CSRNP2: variants seen among roughly 807,000 people sequenced by gnomAD.
CSRNP2 encodes the protein cysteine and serine rich nuclear protein 2.
Under a neutral mutation model 36.6 loss-of-function variants are expected in CSRNP2, and 11 were observed. The observed-to-expected ratio is 0.30, with a 90% confidence interval of 0.19 to 0.50. CSRNP2 has a LOEUF of 0.50. CSRNP2 is among the 20% of genes least tolerant of loss of function. The pLI, the probability that CSRNP2 is intolerant of heterozygous loss-of-function variation, is 0.98. For synonymous variants in CSRNP2, 248 were observed against 275.3 expected (o/e 0.90, Z 0.98); for missense variants, 483 against 691.4 (o/e 0.70, Z 3.38).
intron 3 of CSRNP2, among the ~76,000 whole-genome samples, chr12:51,069,131 A>G (rs1169810453): frequency 1.3e-5 from 2 of 151,744 alleles, no homozygotes; most frequent in Non-Finnish European, 2.9e-5. Flanking sequence ...ACCTGCCACC[A>G]CGCCCGGCTA....
At position 51,064,529 on chromosome 12, in the gene CSRNP2, C is replaced by G; in HGVS notation, c.849G>C (p.Gln283His). 6.2e-7 allele frequency: 1 copy of G among 1,613,436 alleles called. No individual in the cohort carries two copies. Among genetic ancestry groups the G allele is most frequent in the African/African-American group, 1.3e-5 (1 of 75,036 alleles). The part of the protein sequence containing the change: ...IMKLELESKR[Q>H]VSRPAAPDEE... ...CATCTGGGGCTGCTGGGCGGCTCAC[C>G]TGCCGCTTGCTCTCCAGCTCCAGCT... The change falls in exon 5 of 5, where the codon CAG (glutamine) becomes CAC (histidine). Residue 283 changes from glutamine (Q) to histidine (H), a missense_variant. Coordinates refer to ENST00000228515, the MANE Select transcript of CSRNP2 (RefSeq NM_030809.3).
At position 51,073,958 on chromosome 12, in the gene CSRNP2, A is replaced by G; in HGVS notation, c.276T>C (p.Ser92=). ...AGTTATGGCGCTGGGCCATGCCCAG[A>G]GAGCTACCACCCTGGCTGGGCACAC... ...FTSVPSQGGS[S]LGMAQRHNSV... Residue 92 remains serine, a synonymous_variant, in exon 3 of 5, where the codon TCT becomes TCC. Transcript: ENST00000228515. 6.2e-7 allele frequency: 1 copy of G among 1,614,180 alleles called. No individual in the cohort carries two copies. Among genetic ancestry groups the G allele is most frequent in the Non-Finnish European group, 8.5e-7 (1 of 1,180,020 alleles).
chr12:51,064,268 C>G lies in CSRNP2; in HGVS notation c.1110G>C (p.Glu370Asp). ...TGGGGGCTGTAAGGCCTGGGCACAGCTCTTCGGGGACAGCCAGAGGCTCCT... is the reference window on the plus strand; with the variant it reads ...TGGGGGCTGTAAGGCCTGGGCACAGGTCTTCGGGGACAGCCAGAGGCTCCT... The part of the protein sequence containing the change: ...ILEEPLAVPE[E>D]LCPGLTAPIL... Residue 370 changes from glutamate to aspartate, a missense_variant, in exon 5 of 5, where the codon GAG (glutamate) becomes GAC (aspartate). Physicochemically the swap from Glu to Asp is conservative, Grantham distance 45. Transcript: ENST00000228515. 1 of 1,612,802 alleles carries G rather than the reference C, an allele frequency of 6.2e-7. No homozygotes were observed. The highest frequency in any genetic ancestry group is 8.5e-7 in the Non-Finnish European group (1 of 1,179,402).
At position 51,061,414 on chromosome 12, in the gene CSRNP2, C is replaced by A. The variant is rs1370077863; in HGVS notation, c.*2332G>T. The A allele has an allele frequency of 6.6e-6, 1 of 152,572 alleles. No homozygotes were observed. The highest frequency in any genetic ancestry group is 2.4e-5 in the African/African-American group (1 of 41,420). 9.5% of individuals were successfully genotyped at this position (152,572 alleles called of 1,614,324 possible). ...GGTAATAAGAGTCATTTATCTAGGC[C>A]TAGACTGGGACTGAAGCTATCTGCT... is the stretch of plus-strand genomic sequence containing the variant. On this transcript the variant is annotated 3_prime_UTR_variant, in exon 5 of 5. Coordinates refer to ENST00000228515, the MANE Select transcript of CSRNP2 (RefSeq NM_030809.3).
At position 51,061,794 on chromosome 12, in the gene CSRNP2, C is replaced by T. The variant is rs1488171594; in HGVS notation, c.*1952G>A. ...ACTTCCTAGATTAAGCCGGAGCCTT[C>T]CTGCAGAGACAGTGGGCAAACCTCA... On this transcript the variant is annotated 3_prime_UTR_variant, in exon 5 of 5. Transcript: ENST00000228515. 6.6e-6 allele frequency: 1 copy of T among 152,188 alleles called. No homozygotes were observed. Among genetic ancestry groups the T allele is most frequent in the African/African-American group, 2.4e-5 (1 of 41,436 alleles). The allele number at this position is 152,188 out of a possible 1,614,324, so 9.4% of individuals were successfully genotyped here.
intron 3 of CSRNP2, 45 bp from the exon 4 acceptor site, chr12:51,068,014 T>C (rs1246359244): frequency 5.1e-6 from 8 of 1,568,556 alleles, no homozygotes; most frequent in Non-Finnish European, 7.0e-6. Flanking sequence ...ATGAGCGGCA[T>C]GCACCTCCTC....
chr12:51,064,070 C>T lies in CSRNP2; in HGVS notation c.1308G>A (p.Thr436=), dbSNP rs373534394. 28 of 1,614,066 alleles carry T rather than the reference C, an allele frequency of 1.7e-5. No individual in the cohort carries two copies. The highest frequency in any genetic ancestry group is 2.2e-5 in the East Asian group (1 of 44,888). ...TTGGGAAAGAGGCTGAGCCTTCTTCCGTACCAGGCTCTCCTTTCACTCCCA... is the reference window on the plus strand; with the variant it reads ...TTGGGAAAGAGGCTGAGCCTTCTTCTGTACCAGGCTCTCCTTTCACTCCCA... ...PVLGVKGEPG[T]EEGSASFPKE... The change falls in exon 5 of 5, where the codon ACG becomes ACA. Residue 436 remains threonine (T), a synonymous_variant. Transcript: ENST00000228515.
At chr12:51,076,789 T>C (rs17125340) in intron 1 of CSRNP2, 142 bp from the exon 2 acceptor site, 7,191 of 510,844 alleles carry the variant, frequency 0.014, 176 homozygotes, top group Admixed American at 0.071. Context: ...CTACTAGCTC[T>C]GGCCAACATT....
At position 51,067,489 on chromosome 12, in the gene CSRNP2, G is replaced by A. The variant is rs113358696; in HGVS notation, c.708+184C>T. On this transcript the variant is annotated intron_variant, in intron 4 of 4. Coordinates refer to ENST00000228515, the MANE Select transcript of CSRNP2 (RefSeq NM_030809.3). This position sits in a 1 kb window ranked among gnomAD's most constrained non-coding sequence, Gnocchi z 4.1. Reference sequence around the variant, plus strand: ...CCCACATAGCTAGGATTAGAGGTGTGAGCCACCATGCCTGGCCGTGTGCTG... The same window carrying A: ...CCCACATAGCTAGGATTAGAGGTGTAAGCCACCATGCCTGGCCGTGTGCTG... Among the ~76,000 whole-genome samples the A allele has an allele frequency of 8.0e-3, 1,220 of 152,290 alleles. 15 individuals are homozygous for A. Among genetic ancestry groups the A allele is most frequent in the African/African-American group, 0.027 (1,133 of 41,570 alleles).
At chr12:51,081,648 T>G (rs1304126019) in intron 1 of CSRNP2, among the ~76,000 whole-genome samples, 1 of 152,252 alleles carries the variant, frequency 6.6e-6, no homozygotes, top group Non-Finnish European at 1.5e-5. Context: ...TCTAATGGTC[T>G]TTTCTCAAGA....
At chr12:51,077,042 G>GAACACAATTATCACT (rs1939429396) in intron 1 of CSRNP2, among the ~76,000 whole-genome samples, 1 of 31,596 alleles carries the variant, frequency 3.2e-5, no homozygotes, top group Non-Finnish European at 1.1e-4. Flanking sequence ...TTGTTTGGTT[G>GAACACAATTATCACT]GCAAAAAAAA....
Position 51,063,866 on chromosome 12 carries a change from G to A in CSRNP2, c.1512C>T (p.Ser504=). 1 of 1,614,148 alleles carries A rather than the reference G, an allele frequency of 6.2e-7. No homozygotes were observed. Among genetic ancestry groups the A allele is most frequent in the South Asian group, 1.1e-5 (1 of 91,076 alleles). Residue 504 remains serine (S), a synonymous_variant, in exon 5 of 5, where the codon TCC becomes TCT. Coordinates refer to ENST00000228515, the MANE Select transcript of CSRNP2 (RefSeq NM_030809.3). ...PENEDFHPSW[S]PSSLPFRTDN... ...CCGTGCGGAAGGGGAGGCTTGAGGGGGACCAGGAAGGGTGGAAGTCTTCAT... is the reference window on the plus strand; with the variant it reads ...CCGTGCGGAAGGGGAGGCTTGAGGGAGACCAGGAAGGGTGGAAGTCTTCAT...
intron 1 of CSRNP2, among the ~76,000 whole-genome samples, chr12:51,080,985 T>TAGAGA (rs1342439777): frequency 7.2e-5 from 11 of 152,126 alleles, no homozygotes; most frequent in Non-Finnish European, 1.5e-4. Flanking sequence ...CAAGACCCTG[T>TAGAGA]CTCTGTATTT....
chr12:51,065,934 A>C (rs996804203), intron 4 of CSRNP2, among the ~76,000 whole-genome samples: 1 of 152,168 alleles, frequency 6.6e-6, no homozygotes, highest in African/African-American at 2.4e-5. Flanking sequence ...CAGCATCTAC[A>C]CCCTCAATAA....
At chr12:51,076,336 A>C (rs1489446270) in intron 2 of CSRNP2, 75 bp downstream of exon 2, 1 of 1,517,384 alleles carries the variant, frequency 6.6e-7, no homozygotes, top group East Asian at 2.3e-5. Context: ...AGCCACACAG[A>C]CGCTGTCTCG....
chr12:51,067,691 C>T lies in CSRNP2; in HGVS notation c.690G>A (p.Gln230=). ...YCDPEACACS[Q]AGIKCQVDRM... ...GACTGACCTGGCATTTAATCCCAGC[C>T]TGGCTGCAGGCACACGCTTCTGGGT... Residue 230 remains glutamine (Q), a synonymous_variant, in exon 4 of 5, where the codon CAG becomes CAA. Coordinates refer to ENST00000228515, the MANE Select transcript of CSRNP2 (RefSeq NM_030809.3). The surrounding 1 kb of genome is among the most constrained non-coding windows in gnomAD (Gnocchi z 4.1). The T allele has an allele frequency of 6.2e-7, 1 of 1,613,766 alleles. No homozygotes were observed. Among genetic ancestry groups the T allele is most frequent in the African/African-American group, 1.3e-5 (1 of 75,030 alleles).
chr12:51,065,803 G>C (rs1328778662), intron 4 of CSRNP2, among the ~76,000 whole-genome samples: 1 of 152,128 alleles, frequency 6.6e-6, no homozygotes, highest in Non-Finnish European at 1.5e-5. Context: ...GTGTGTAACA[G>C]AATGACTCAT....
At chr12:51,080,045 C>T (rs1291787172) in intron 1 of CSRNP2, among the ~76,000 whole-genome samples, 1 of 120,408 alleles carries the variant, frequency 8.3e-6, no homozygotes, top group African/African-American at 3.2e-5. Context: ...TGCACTCCAG[C>T]CTGGGCGGCA....
At chr12:51,064,755 T>C (rs1283691285) in intron 4 of CSRNP2, 86 bp from the exon 5 acceptor site, 12 of 1,256,112 alleles carry the variant, frequency 9.6e-6, no homozygotes, top group Admixed American at 8.0e-5. Context: ...AAACAGGCAG[T>C]TGGGATTTGA....
Sources: allele counts gnomAD v4.1 joint callset (sites outside exome capture counted in the v4.1 genomes callset), GRCh38; gene constraint gnomAD v4.1.1; non-coding constraint Gnocchi (gnomAD v3.1); transcripts MANE v1.5; gene names NCBI Gene and HGNC (gene_info 2026-07-23, HGNC 2026-07-21).